The following COL21A1 variants were observed in gnomAD, a reference collection of about 807,000 sequenced individuals.
The protein encoded by COL21A1 is collagen alpha-1(XXI) chain.
Under a neutral mutation model 137.9 loss-of-function variants are expected in COL21A1, and 149 were observed. The ratio of observed to expected loss-of-function variants is 1.08; its 90% confidence interval spans 0.95 to 1.24. The LOEUF is 1.24. Among genes scored for constraint, COL21A1 ranks in the 50% most tolerant of loss-of-function variants. COL21A1 has a pLI of 0.00. For missense variants in COL21A1, 1,167 were observed against 1,158.4 expected, an observed-to-expected ratio of 1.01 and a Z score of -0.11; for synonymous variants, 456 against 391.5, an observed-to-expected ratio of 1.16 and a Z score of -1.95.
intron 1 of COL21A1, among the ~76,000 whole-genome samples, chr6:56,389,403 A>AC (rs2094024738): frequency 6.6e-6 from 1 of 151,478 alleles, no homozygotes; most frequent in South Asian, 2.1e-4. Flanking sequence ...AAGGAGAAAA[A>AC]ATTAAAAAAA....
At position 56,332,453 on chromosome 6, in the gene COL21A1, T is replaced by C. The variant is rs145918167; in HGVS notation, c.-39+61518A>G. On this transcript the variant is annotated intron_variant, in intron 1 of 28. Transcript: ENST00000370819. ...AAAAAATCATTTAGTTGTGGTTGAATCTAGCTGCAACTTGGGTAAAACATT... is the reference window on the plus strand; with the variant it reads ...AAAAAATCATTTAGTTGTGGTTGAACCTAGCTGCAACTTGGGTAAAACATT... 5.5e-5 allele frequency among the ~76,000 whole-genome samples: 8 copies of C among 146,760 alleles called. 1 individual carries two copies. Among genetic ancestry groups the C allele is most frequent in the African/African-American group, 2.0e-4 (8 of 39,622 alleles).
intron 1 of COL21A1, among the ~76,000 whole-genome samples, chr6:56,265,357 G>A (rs1439096246): frequency 6.6e-6 from 1 of 152,162 alleles, no homozygotes; most frequent in Non-Finnish European, 1.5e-5. Flanking sequence ...TTTTACACTT[G>A]AATCACTAGG....
At chr6:56,325,274 TTA>T (rs199960035) in intron 1 of COL21A1, among the ~76,000 whole-genome samples, 8 of 51,136 alleles carry the variant, frequency 1.6e-4, no homozygotes, top group Admixed American at 3.3e-4. Flanking sequence ...ATTATGTATA[TTA>T]TATAATATTA....
chr6:56,205,272 G>A (rs12214023), intron 1 of COL21A1, among the ~76,000 whole-genome samples: 11,077 of 152,192 alleles, frequency 0.073, 447 homozygotes, highest in Middle Eastern at 0.13. Flanking sequence ...AGAATAACCA[G>A]TTTAGAGAAG....
chr6:56,193,986 C>G (rs1331527947), intron 1 of COL21A1, among the ~76,000 whole-genome samples: 1 of 152,260 alleles, frequency 6.6e-6, no homozygotes, highest in Non-Finnish European at 1.5e-5. Flanking sequence ...ATTTCTTGAT[C>G]TCATGATCCC....
At chr6:56,342,326 A>C (rs1471846789) in intron 1 of COL21A1, among the ~76,000 whole-genome samples, 1 of 152,206 alleles carries the variant, frequency 6.6e-6, no homozygotes, top group Non-Finnish European at 1.5e-5. Flanking sequence ...TTATGACTGC[A>C]CCATTGGGTT....
chr6:56,271,425 G>T (rs1763522732), intron 1 of COL21A1, among the ~76,000 whole-genome samples: 1 of 152,130 alleles, frequency 6.6e-6, no homozygotes, highest in Non-Finnish European at 1.5e-5. Flanking sequence ...TATTATGAAA[G>T]CATTCAGTTA....
At chr6:56,382,342 AG>A (rs112177556) in intron 1 of COL21A1, among the ~76,000 whole-genome samples, 24 of 152,340 alleles carry the variant, frequency 1.6e-4, no homozygotes, top group African/African-American at 5.5e-4. Flanking sequence ...AGAAAAATGA[AG>A]TGGATATGTT....
chr6:56,178,194 G>A (rs1410879973), intron 3 of COL21A1, among the ~76,000 whole-genome samples: 1 of 152,078 alleles, frequency 6.6e-6, no homozygotes, highest in Non-Finnish European at 1.5e-5. Flanking sequence ...TCCAGGAAAA[G>A]TCTGTTTTAA....
upstream of COL21A1, among the ~76,000 whole-genome samples, chr6:56,250,691 T>G (rs6911260): frequency 0.89 from 136,068 of 152,156 alleles, 60,973 homozygotes; most frequent in African/African-American, 0.94. Flanking sequence ...ACTGTGATAT[T>G]AACTATTTGT....
chr6:56,260,585 A>AAGAAGAAG lies in COL21A1; in HGVS notation c.-38-77930_-38-77929insCTTCTTCT, dbSNP rs1430065674. Among the ~76,000 whole-genome samples, 73 of 91,832 alleles carry AAGAAGAAG rather than the reference A, an allele frequency of 7.9e-4. 8 individuals are homozygous for AAGAAGAAG. The highest frequency in any genetic ancestry group is 6.2e-3 in the Middle Eastern group (1 of 162). 60.2% of individuals were successfully genotyped at this position (91,832 alleles called of 152,430 possible). On this transcript the variant is annotated intron_variant, in intron 1 of 28. Coordinates refer to the COL21A1 transcript ENST00000370819. ...CAAGACTCTATCAAAAAAAAAAAAG[A>AAGAAGAAG]AAGAAGAAGAAGAAGAAGAAGAAGA...
intron 10 of COL21A1, among the ~76,000 whole-genome samples, chr6:56,154,436 C>T (rs1219318571): frequency 6.6e-6 from 1 of 152,186 alleles, no homozygotes; most frequent in African/African-American, 2.4e-5. Flanking sequence ...CACCACAATT[C>T]ACCCAGTTGC....
chr6:56,082,487 AT>A (rs2114158792), intron 17 of COL21A1, among the ~76,000 whole-genome samples: 1 of 152,010 alleles, frequency 6.6e-6, no homozygotes, highest in East Asian at 1.9e-4. Context: ...TTTGGGGTAC[AT>A]TTTTTGTTAC....
intron 18 of COL21A1, among the ~76,000 whole-genome samples, chr6:56,076,431 T>C (rs1439632946): frequency 6.6e-6 from 1 of 151,334 alleles, no homozygotes; most frequent in Non-Finnish European, 1.5e-5. Context: ...GATATTAGAA[T>C]TGTTAGAAAC....
intron 1 of COL21A1, among the ~76,000 whole-genome samples, chr6:56,391,407 A>G (rs2094029410): frequency 6.6e-6 from 1 of 152,116 alleles, no homozygotes; most frequent in African/African-American, 2.4e-5. Context: ...AAGCAAATCA[A>G]ATTCAAAATT....
intron 1 of COL21A1, among the ~76,000 whole-genome samples, chr6:56,271,718 G>T (rs907783338): frequency 6.6e-6 from 1 of 152,204 alleles, no homozygotes; most frequent in Non-Finnish European, 1.5e-5. Flanking sequence ...TGCTCTGTGG[G>T]CTTGGCCCAG....
chr6:56,132,716 A>G (rs1328345168), intron 12 of COL21A1, among the ~76,000 whole-genome samples: 2 of 152,194 alleles, frequency 1.3e-5, no homozygotes, highest in East Asian at 3.8e-4. Context: ...ACCTCCCACA[A>G]TTCCCACTTG....
intron 12 of COL21A1, among the ~76,000 whole-genome samples, chr6:56,128,312 T>C (rs1773214799): frequency 6.6e-6 from 1 of 152,198 alleles, no homozygotes; most frequent in Admixed American, 6.5e-5. Flanking sequence ...CAGGGTTTTT[T>C]CAAGTCTTCC....
chr6:56,175,348 T>C (rs9475586), intron 3 of COL21A1, among the ~76,000 whole-genome samples: 87,136 of 151,508 alleles, frequency 0.58, 25,313 homozygotes, highest in East Asian at 0.79. Flanking sequence ...ATTATCTCTG[T>C]TCACAGATAG....
Sources: allele counts gnomAD v4.1 joint callset (sites outside exome capture counted in the v4.1 genomes callset), GRCh38; gene constraint gnomAD v4.1.1; transcripts MANE v1.5; gene names NCBI Gene and HGNC (gene_info 2026-07-23, HGNC 2026-07-21).